The following P4HTM variants were observed in gnomAD, a reference collection of about 807,000 sequenced individuals.
P4HTM encodes the protein transmembrane prolyl 4-hydroxylase.
P4HTM carries 33 observed loss-of-function variants against 55.3 expected under a neutral mutation model. That is an observed-to-expected ratio of 0.60 (90% confidence interval 0.45 to 0.80). The LOEUF (loss-of-function observed/expected upper bound fraction) is 0.80, where lower values mean the gene tolerates loss of function less well. Among genes scored for constraint, P4HTM ranks in the 30% least tolerant of loss-of-function variants. P4HTM has a pLI of 0.00. For missense variants in P4HTM, 542 were observed against 696.5 expected (o/e 0.78, Z 2.50); for synonymous variants, 272 against 286.4 (o/e 0.95, Z 0.51).
rs542078325 is a variant in P4HTM at position 49,002,694 on chromosome 3, C to A, written c.724+98C>A. On this transcript the variant is annotated intron_variant, in intron 4 of 8. Coordinates refer to ENST00000383729, the MANE Select transcript of P4HTM (RefSeq NM_177939.3). The surrounding 1 kb of genome is among the most constrained non-coding windows in gnomAD (Gnocchi z 4.4). Reference sequence around the variant, plus strand: ...CTTGGGCCCTTCCCCCACAGCCAGGCAGCCTCTCTGCACCCCTTTATAGTG... The same window carrying A: ...CTTGGGCCCTTCCCCCACAGCCAGGAAGCCTCTCTGCACCCCTTTATAGTG... 2 of 892,996 alleles carry A rather than the reference C, an allele frequency of 2.2e-6. No individual in the cohort carries two copies. Among genetic ancestry groups the A allele is most frequent in the East Asian group, 2.4e-5 (1 of 41,084 alleles). The allele number at this position is 892,996 out of a possible 1,614,324, so 55.3% of individuals were successfully genotyped here.
rs1176968590 is a variant in P4HTM, at chr3:49,001,434, G to A, written c.437-4G>A. ...TTGGCCTCACCCACCTCCTCTTCTG[G>A]CAGAAATCCCCGGCTTCCTGACTGA... On this transcript the variant is annotated splice_region_variant and splice_polypyrimidine_tract_variant and intron_variant, in intron 2 of 8. Transcript: ENST00000383729. 1.9e-6 allele frequency: 3 copies of A among 1,613,516 alleles called. No homozygotes were observed. Among genetic ancestry groups the A allele is most frequent in the Non-Finnish European group, 2.5e-6 (3 of 1,179,996 alleles).
chr3:49,006,986 T>A lies in P4HTM; in HGVS notation c.*79T>A. ...GGGTCCGGCTGTCCTTCTGTCCTGCTGCAGACTAAAGGTCTGGCCAATGTC... is the reference window on the plus strand; with the variant it reads ...GGGTCCGGCTGTCCTTCTGTCCTGCAGCAGACTAAAGGTCTGGCCAATGTC... On this transcript the variant is annotated 3_prime_UTR_variant, in exon 9 of 9. Coordinates refer to ENST00000383729, the MANE Select transcript of P4HTM (RefSeq NM_177939.3). 8.3e-7 allele frequency: 1 copy of A among 1,204,764 alleles called. No homozygotes were observed. Among genetic ancestry groups the A allele is most frequent in the Non-Finnish European group, 1.2e-6 (1 of 849,168 alleles). The allele number at this position is 1,204,764 out of a possible 1,614,324, so 74.6% of individuals were successfully genotyped here.
In P4HTM at chr3:49,005,589, C is replaced by T. The variant is rs187266118; in HGVS notation, c.1074-188C>T. On this transcript the variant is annotated intron_variant, in intron 6 of 8. Transcript: ENST00000383729. The stretch of plus-strand genomic sequence containing the variant: ...TTGGCCAAAAAACCATTGCAACTCA[C>T]AGTAAGAGACTGGGTTTCGGGGAAG... 13 of 1,411,206 alleles carry T rather than the reference C, an allele frequency of 9.2e-6. 1 individual carries two copies. In the African/African-American group the frequency reaches 1.2e-4, roughly 13 times the overall value. The allele number at this position is 1,411,206 out of a possible 1,614,324, so 87.4% of individuals were successfully genotyped here.
In P4HTM at chr3:49,005,826, A is replaced by G; in HGVS notation, c.1123A>G (p.Thr375Ala). ...YLNNVTGGGE[T>A]VFPVADNRTY... ...GAACAACGTCACTGGTGGGGGCGAG[A>G]CTGTTTTCCCTGTAGCAGATAACAG... The change falls in exon 7 of 9, where the codon ACT becomes GCT. Residue 375 changes from threonine to alanine, a missense_variant. Around this residue, in one of 2 missense-constraint regions of P4HTM, gnomAD observed 536 missense variants for 672.1 expected, o/e 0.80. Coordinates refer to ENST00000383729, the MANE Select transcript of P4HTM (RefSeq NM_177939.3). 1 of 1,579,364 alleles carries G rather than the reference A, an allele frequency of 6.3e-7. No individual in the cohort carries two copies. The highest frequency in any genetic ancestry group is 8.6e-7 in the Non-Finnish European group (1 of 1,164,522).
At chr3:49,005,483 C>T in intron 6 of P4HTM, 1 of 1,347,790 alleles carries the variant, frequency 7.4e-7, no homozygotes, top group South Asian at 2.1e-5. Context: ...CTTCAGCGCG[C>T]CCTGTTGCTT....
intron 2 of P4HTM, chr3:48,996,237 A>G (rs1360989798): frequency 6.6e-6 from 1 of 152,164 alleles, no homozygotes; most frequent in Non-Finnish European, 1.5e-5. Context: ...GTAGAGAAAC[A>G]ATTTTAGTGT....
rs757126936 is a variant in P4HTM at position 49,004,135 on chromosome 3, T to G, written c.762T>G (p.Leu254=). The change falls in exon 5 of 9, where the codon CTT becomes CTG. Residue 254 remains leucine (L), a synonymous_variant. Coordinates refer to ENST00000383729, the MANE Select transcript of P4HTM (RefSeq NM_177939.3). ...LSLQEFSNMD[L]RDFHKYMRSH... ...TGCAGGAGTTCTCCAACATGGACCT[T>G]CGGGACTTCCACAAGTACATGAGGA... 1.1e-5 allele frequency: 17 copies of G among 1,554,566 alleles called. No individual in the cohort carries two copies. In the African/African-American group the frequency reaches 1.2e-4, roughly 11 times the overall value.
At chr3:48,996,935 G>A (rs2092947624) in intron 2 of P4HTM, among the ~76,000 whole-genome samples, 2 of 152,194 alleles carry the variant, frequency 1.3e-5, no homozygotes, top group African/African-American at 4.8e-5. Context: ...AAGGACAGAA[G>A]GTGGTTTTCC....
At chr3:48,990,187 T>A, upstream of P4HTM, 1 of 1,102,198 alleles carries the variant, frequency 9.1e-7, no homozygotes, top group Non-Finnish European at 1.1e-6. This position sits in a 1 kb window ranked among gnomAD's most constrained non-coding sequence, Gnocchi z 7.2. Flanking sequence ...TGGCGGCCGT[T>A]GTCCGGGCGA....
chr3:48,992,856 G>A (rs866840161), intron 2 of P4HTM, among the ~76,000 whole-genome samples: 3 of 151,062 alleles, frequency 2.0e-5, no homozygotes, highest in South Asian at 4.2e-4. Context: ...TAGTAGAGAC[G>A]GGCTTTCACC....
intron 6 of P4HTM, 193 bp downstream of exon 6, chr3:49,005,239 A>C: frequency 2.6e-6 from 4 of 1,526,656 alleles, no homozygotes; most frequent in Non-Finnish European, 3.5e-6. Flanking sequence ...GCTACTGGTC[A>C]TCGTGACCAC....
chr3:48,990,605 A>G lies in P4HTM; in HGVS notation c.349A>G (p.Ile117Val). The change falls in exon 1 of 9, where the codon ATC (isoleucine) becomes GTC (valine). Residue 117 changes from isoleucine to valine, a missense_variant. Ile to Val is a conservative substitution (Grantham distance 29). This residue lies in a region of P4HTM where 536 missense variants were observed against 672.1 expected (regional missense o/e 0.80). Transcript: ENST00000383729. The surrounding 1 kb of genome is among the most constrained non-coding windows in gnomAD (Gnocchi z 7.2). ...TLGPLTRLEG[I>V]KVGHERKVQL... ...AGGTCCCCTCACCCGGCTGGAGGGC[A>G]TCAAGGTGAGGACCTCCCTGCCCCG... 1 of 1,581,814 alleles carries G rather than the reference A, an allele frequency of 6.3e-7. No individual in the cohort carries two copies. The highest frequency in any genetic ancestry group is 8.6e-7 in the Non-Finnish European group (1 of 1,164,292).
chr3:48,998,815 C>G (rs1397855134), intron 2 of P4HTM, among the ~76,000 whole-genome samples: 1 of 152,184 alleles, frequency 6.6e-6, no homozygotes, highest in African/African-American at 2.4e-5. Context: ...AACCATTGTT[C>G]ACAGGATAGG....
chr3:49,005,638 C>T, intron 6 of P4HTM, 139 bp from the exon 7 acceptor site: 1 of 1,427,296 alleles, frequency 7.0e-7, no homozygotes, highest in Non-Finnish European at 9.2e-7. Context: ...CATTTTGGCA[C>T]TGGCCTGCCC....
rs563413124 is a variant in P4HTM at position 49,002,709 on chromosome 3, C to A, written c.724+113C>A. The A allele has an allele frequency of 6.2e-6, 5 of 810,190 alleles. No homozygotes were observed. The highest frequency in any genetic ancestry group is 5.5e-5 in the South Asian group (4 of 72,918). The allele number at this position is 810,190 out of a possible 1,614,324, so 50.2% of individuals were successfully genotyped here. On this transcript the variant is annotated intron_variant, in intron 4 of 8. Transcript: ENST00000383729. This position sits in a 1 kb window ranked among gnomAD's most constrained non-coding sequence, Gnocchi z 4.4. ...CACAGCCAGGCAGCCTCTCTGCACC[C>A]CTTTATAGTGGCCAGAGATGGGGAG...
Position 49,006,725 on chromosome 3 carries a change from G to T in P4HTM, c.1327G>T (p.Gly443Cys), listed in dbSNP as rs2092984100. The change falls in exon 9 of 9, where the codon GGC becomes TGC. Residue 443 changes from glycine (G) to cysteine (C), a missense_variant. Physicochemically the swap from Gly to Cys is radical, Grantham distance 159. Transcript: ENST00000383729. ...CGTAGACGACTACTCGCTGCACGGG[G>T]GCTGCCTGGTCACGCGCGGCACCAA... ...GDVDDYSLHG[G>C]CLVTRGTKWI... 1 of 1,613,602 alleles carries T rather than the reference G, an allele frequency of 6.2e-7. No individual in the cohort carries two copies. Among genetic ancestry groups the T allele is most frequent in the African/African-American group, 1.3e-5 (1 of 74,940 alleles).
chr3:48,995,513 T>C (rs2092942986), intron 2 of P4HTM, among the ~76,000 whole-genome samples: 1 of 152,222 alleles, frequency 6.6e-6, no homozygotes, highest in Non-Finnish European at 1.5e-5. Context: ...CCCACAAAGG[T>C]GAGCTGCATA....
Position 49,006,838 on chromosome 3 carries a change from A to G in P4HTM, c.1440A>G (p.Glu480=). 2.5e-6 allele frequency: 4 copies of G among 1,613,244 alleles called. No homozygotes were observed. Among genetic ancestry groups the G allele is most frequent in the Non-Finnish European group, 2.5e-6 (3 of 1,179,998 alleles). ...AGGAGATGGCCCGCCTTGCCCGAGA[A>G]GGGGGCACCGACTCACAGCCCGAGT... ...FQQEMARLAR[E]GGTDSQPEWA... Residue 480 remains glutamate, a synonymous_variant, in exon 9 of 9, where the codon GAA becomes GAG. Transcript: ENST00000383729.
intron 2 of P4HTM, among the ~76,000 whole-genome samples, chr3:48,994,932 C>G (rs570397383): frequency 6.6e-6 from 1 of 152,048 alleles, no homozygotes; most frequent in Admixed American, 6.5e-5. Context: ...TCCAAACAGC[C>G]GGAACTACAG....
Sources: gnomAD v4.1 joint callset for allele counts (sites outside exome capture counted in the v4.1 genomes callset) on GRCh38, gnomAD v4.1.1 for gene constraint, gnomAD v4.1.1 regional missense constraint, Gnocchi (gnomAD v3.1) non-coding constraint, MANE v1.5 for transcripts, NCBI Gene and HGNC (gene_info 2026-07-23, HGNC 2026-07-21) for gene names.